The following MYOM2 variants were observed in gnomAD, a reference collection of about 807,000 sequenced individuals.
MYOM2 encodes myomesin-2.
MYOM2 carries 254 observed loss-of-function variants against 187.6 expected under a neutral mutation model. The ratio of observed to expected loss-of-function variants is 1.35; its 90% CI spans 1.22 to 1.50. The LOEUF (loss-of-function observed/expected upper bound fraction) is 1.50, where lower values mean the gene tolerates loss of function less well. Ranked by LOEUF, MYOM2 falls within the 40% of genes most tolerant of loss-of-function variation. MYOM2 has a pLI of 0.00. For missense variants in MYOM2, 2,796 were observed against 1,924.0 expected, an observed-to-expected ratio of 1.45 and a Z score of -8.48; for synonymous variants, 981 against 753.8, an observed-to-expected ratio of 1.30 and a Z score of -4.94.
chr8:2,086,999 C>A (rs7815609), intron 14 of MYOM2, among the ~76,000 whole-genome samples: 76,660 of 151,892 alleles, frequency 0.5, 20,276 homozygotes, highest in Non-Finnish European at 0.58. Flanking sequence ...GCAGTTCTGC[C>A]ATCACGTATA....
At chr8:2,047,094 C>T (rs566157353) in intron 1 of MYOM2, among the ~76,000 whole-genome samples, 6 of 152,126 alleles carry the variant, frequency 3.9e-5, no homozygotes, top group East Asian at 1.9e-4. Context: ...AAAAACAAAT[C>T]GGGAATTGGA....
intron 25 of MYOM2, among the ~76,000 whole-genome samples, chr8:2,113,275 CCTT>C (rs1331848350): frequency 6.6e-6 from 1 of 152,220 alleles, no homozygotes; most frequent in Admixed American, 6.5e-5. Context: ...GGGATGTGGT[CCTT>C]CTACCGTCAA....
At chr8:2,096,201 C>T (rs562323459) in intron 17 of MYOM2, 46 bp from the exon 18 acceptor site, 5 of 1,581,784 alleles carry the variant, frequency 3.2e-6, no homozygotes, top group Admixed American at 3.5e-5. Flanking sequence ...GGGACAAAGC[C>T]CCCAGCTGAG....
chr8:2,118,060 C>A, intron 28 of MYOM2, 108 bp downstream of exon 28: 2 of 927,668 alleles, frequency 2.2e-6, no homozygotes, highest in Non-Finnish European at 3.3e-6. Context: ...GGTGAGGAAA[C>A]GTGTGGTGCC....
intron 13 of MYOM2, chr8:2,085,018 TC>T (rs1436237608): frequency 8.5e-6 from 4 of 468,576 alleles, no homozygotes; most frequent in Admixed American, 3.8e-5. Context: ...TGGAAGACTT[TC>T]GGGTGAGATT....
rs1382112811 is a variant in MYOM2 at position 2,048,185 on chromosome 8, G to A, written c.-12-2570G>A. 3.3e-5 allele frequency among the ~76,000 whole-genome samples: 5 copies of A among 152,380 alleles called. No individual in the cohort carries two copies. In the South Asian group the frequency reaches 1.0e-3, roughly 32 times the overall value. ...ACATGAGCCCCTGCTGCAATAGCAG[G>A]TACTGGGGATTGCTCATGCGTCTGC... On this transcript the variant is annotated intron_variant, in intron 1 of 36. Transcript: ENST00000262113.
rs776324821 is a variant in MYOM2, at chr8:2,129,239, A to G, written c.3800+7A>G. On this transcript the variant is annotated splice_region_variant and intron_variant, in intron 32 of 36. Transcript: ENST00000262113. ...AAGTGAACTGGTGTCACAAGTAAGT[A>G]TGACAGCAGCCGATGGAGGCCATGC... The G allele has an allele frequency of 2.6e-5, 41 of 1,590,428 alleles. No individual in the cohort carries two copies. The highest frequency in any genetic ancestry group is 8.3e-5 in the Admixed American group (5 of 59,882).
At chr8:2,073,072 C>G (rs1399024628) in intron 9 of MYOM2, among the ~76,000 whole-genome samples, 2 of 152,220 alleles carry the variant, frequency 1.3e-5, no homozygotes, top group South Asian at 2.1e-4. Context: ...CCCAGTTTAC[C>G]TGAGGACAAA....
chr8:2,080,266 G>T (rs1039978754), intron 13 of MYOM2, among the ~76,000 whole-genome samples: 3 of 152,206 alleles, frequency 2.0e-5, no homozygotes, highest in African/African-American at 7.2e-5. Context: ...ACTGGCTAGA[G>T]AGAGGTGATT....
In MYOM2 at chr8:2,099,447, T is replaced by C. The variant is rs1360094597; in HGVS notation, c.2440+464T>C. 2.0e-5 allele frequency among the ~76,000 whole-genome samples: 3 copies of C among 151,504 alleles called. No individual in the cohort carries two copies. In the South Asian group the frequency reaches 6.3e-4, roughly 32 times the overall value. On this transcript the variant is annotated intron_variant, in intron 19 of 36. Transcript: ENST00000262113. ...GCTCCTGCAGTCCTCTCAGGCCATC[T>C]GGGGATCTCGGGGGAGGCACGACAG...
chr8:2,063,067 C>G (rs569293398), intron 6 of MYOM2, among the ~76,000 whole-genome samples: 77 of 152,296 alleles, frequency 5.1e-4, no homozygotes, highest in African/African-American at 1.9e-3. Context: ...ATTTGGGAAA[C>G]TTGGGAAAAG....
intron 32 of MYOM2, among the ~76,000 whole-genome samples, chr8:2,131,793 A>G (rs975232033): frequency 6.6e-6 from 1 of 151,554 alleles, no homozygotes; most frequent in African/African-American, 2.4e-5. Flanking sequence ...ACAGGCGCCC[A>G]CCACCACGCC....
At chr8:2,105,688 T>A (rs945356159) in intron 21 of MYOM2, among the ~76,000 whole-genome samples, 7 of 152,070 alleles carry the variant, frequency 4.6e-5, no homozygotes, top group African/African-American at 1.2e-4. Flanking sequence ...TTAAAAAAAA[T>A]TAGCAACAAC....
chr8:2,144,715 T>C lies in MYOM2; in HGVS notation c.4132T>C (p.Trp1378Arg). 1 of 1,614,074 alleles carries C rather than the reference T, an allele frequency of 6.2e-7. No individual in the cohort carries two copies. The highest frequency in any genetic ancestry group is 2.2e-5 in the East Asian group (1 of 44,868). Reference sequence around the variant, plus strand: ...TGGAAACCCTGACCCCGAAGTGATTTGGTTCAAGAACGACCAGGACATCCA... The same window carrying C: ...TGGAAACCCTGACCCCGAAGTGATTCGGTTCAAGAACGACCAGGACATCCA... ...VFGNPDPEVI[W>R]FKNDQDIQLS... Residue 1378 changes from tryptophan to arginine, a missense_variant, in exon 37 of 37, where the codon TGG becomes CGG. Trp to Arg is a moderately radical substitution (Grantham distance 101, BLOSUM62 -3). Coordinates refer to ENST00000262113, the MANE Select transcript of MYOM2 (RefSeq NM_003970.4).
intron 4 of MYOM2, 37 bp downstream of exon 4, chr8:2,057,523 C>G (rs371819051): frequency 6.2e-7 from 1 of 1,613,330 alleles, no homozygotes; most frequent in South Asian, 1.1e-5. Flanking sequence ...GTCTGGGAAG[C>G]GTGGACTAGA....
intron 13 of MYOM2, among the ~76,000 whole-genome samples, chr8:2,084,067 G>A (rs1819725678): frequency 6.6e-6 from 1 of 152,214 alleles, no homozygotes; most frequent in Non-Finnish European, 1.5e-5. Flanking sequence ...AAATAAACCA[G>A]GATTCAGTTT....
At chr8:2,136,956 C>G (rs1798097383) in intron 32 of MYOM2, among the ~76,000 whole-genome samples, 1 of 152,066 alleles carries the variant, frequency 6.6e-6, no homozygotes, top group Non-Finnish European at 1.5e-5. Flanking sequence ...AAAGCTGTGG[C>G]TGATACGGTG....
chr8:2,106,806 C>G (rs1023409536), intron 23 of MYOM2, among the ~76,000 whole-genome samples: 15 of 152,126 alleles, frequency 9.9e-5, no homozygotes, highest in African/African-American at 3.6e-4. Flanking sequence ...GTCTCTGGTC[C>G]TGATATATTG....
chr8:2,050,020 G>A (rs1165867700), intron 1 of MYOM2, among the ~76,000 whole-genome samples: 4 of 152,070 alleles, frequency 2.6e-5, no homozygotes, highest in Admixed American at 2.0e-4. Flanking sequence ...GACTTCAGAC[G>A]GCAGATTCCA....
Sources: gnomAD v4.1 joint callset for allele counts (sites outside exome capture counted in the v4.1 genomes callset) on GRCh38, gnomAD v4.1.1 for gene constraint, MANE v1.5 for transcripts, NCBI Gene and HGNC (gene_info 2026-07-23, HGNC 2026-07-21) for gene names.